The following FMN1 variants were observed in gnomAD, a reference collection of about 807,000 sequenced individuals.
FMN1 encodes formin-1.
A neutral mutation model predicts 132.4 loss-of-function variants in FMN1; 110 were observed. That is an observed-to-expected ratio of 0.83 (90% CI 0.71 to 0.97). The LOEUF (loss-of-function observed/expected upper bound fraction) is 0.97. Among genes scored for constraint, FMN1 ranks in the 50% least tolerant of loss-of-function variants. The pLI is 0.00. For synonymous variants in FMN1, 722 were observed against 651.7 expected, an observed-to-expected ratio of 1.11 and a Z score of -1.64; for missense variants, 1,792 against 1,705.3, an observed-to-expected ratio of 1.05 and a Z score of -0.90.
intron 17 of FMN1, chr15:32,811,059 C>T (rs1192534783): frequency 8.8e-6 from 4 of 456,638 alleles, no homozygotes; most frequent in East Asian, 1.4e-4. Flanking sequence ...CCAGGAGAAA[C>T]AAATGCTTTA....
At chr15:32,868,370 T>C (rs2059440388) in intron 16 of FMN1, among the ~76,000 whole-genome samples, 1 of 152,180 alleles carries the variant, frequency 6.6e-6, no homozygotes. Flanking sequence ...TACTGAATAA[T>C]GTTGGGGACT....
intron 6 of FMN1, among the ~76,000 whole-genome samples, chr15:33,036,337 C>T (rs1337890022): frequency 1.3e-5 from 2 of 152,120 alleles, no homozygotes; most frequent in Non-Finnish European, 2.9e-5. Flanking sequence ...TTGATGAGTG[C>T]CTACTATATG....
chr15:33,107,635 C>T (rs750382659), intron 4 of FMN1, among the ~76,000 whole-genome samples: 10 of 152,100 alleles, frequency 6.6e-5, no homozygotes, highest in Non-Finnish European at 1.2e-4. Flanking sequence ...CTGATTTCTT[C>T]ACATCACTCA....
intron 7 of FMN1, among the ~76,000 whole-genome samples, chr15:32,987,048 G>A (rs2033113290): frequency 6.6e-6 from 1 of 152,084 alleles, no homozygotes; most frequent in African/African-American, 2.4e-5. Flanking sequence ...GAGGGTTATA[G>A]ATGGCTACAT....
chr15:32,982,491 A>G (rs546694802), intron 7 of FMN1, among the ~76,000 whole-genome samples: 1 of 152,322 alleles, frequency 6.6e-6, no homozygotes, highest in African/African-American at 2.4e-5. Flanking sequence ...TTTATCAATA[A>G]TAGCCTGTGA....
At chr15:32,843,449 A>G (rs1347368056) in intron 17 of FMN1, among the ~76,000 whole-genome samples, 2 of 152,234 alleles carry the variant, frequency 1.3e-5, no homozygotes, top group Non-Finnish European at 1.5e-5. Context: ...ACGCACATAT[A>G]TTATGTTAGC....
chr15:33,072,843 A>C (rs928065235), intron 5 of FMN1, among the ~76,000 whole-genome samples: 3 of 151,856 alleles, frequency 2.0e-5, no homozygotes, highest in African/African-American at 7.3e-5. Context: ...GAATCACTTG[A>C]ACCCATGAGG....
chr15:32,803,773 G>A (rs774006223), intron 18 of FMN1, among the ~76,000 whole-genome samples: 15 of 152,126 alleles, frequency 9.9e-5, no homozygotes, highest in African/African-American at 1.9e-4. Flanking sequence ...TCCATCAAGC[G>A]GTTCAGGAGC....
chr15:33,187,020 CAG>C (rs1965911672), intron 2 of FMN1, among the ~76,000 whole-genome samples: 1 of 152,166 alleles, frequency 6.6e-6, no homozygotes, highest in Non-Finnish European at 1.5e-5. Flanking sequence ...TGCCCAGGAA[CAG>C]AGTCATGTCT....
chr15:32,840,544 G>A (rs2058724092), intron 17 of FMN1, among the ~76,000 whole-genome samples: 1 of 152,200 alleles, frequency 6.6e-6, no homozygotes, highest in Non-Finnish European at 1.5e-5. Context: ...AAACAGAGTA[G>A]CTGTGTGAAA....
chr15:33,012,799 A>AGT, intron 6 of FMN1: 1 of 681,250 alleles, frequency 1.5e-6, no homozygotes. Context: ...TGGTGGCTTT[A>AGT]GTGGCAGCTG....
intron 6 of FMN1, among the ~76,000 whole-genome samples, chr15:33,017,121 G>A (rs367813561): frequency 6.8e-6 from 1 of 147,484 alleles, no homozygotes; most frequent in Non-Finnish European, 1.5e-5. Flanking sequence ...CCGTACCCTA[G>A]AACTTAAAGC....
intron 3 of FMN1, among the ~76,000 whole-genome samples, chr15:33,158,984 GC>G (rs1249660694): frequency 1.3e-5 from 2 of 152,198 alleles, no homozygotes; most frequent in African/African-American, 4.8e-5. Flanking sequence ...TTCAAGACCA[GC>G]CTGACCAACA....
chr15:32,936,617 G>C (rs1250010203), intron 9 of FMN1, among the ~76,000 whole-genome samples: 2 of 151,568 alleles, frequency 1.3e-5, no homozygotes, highest in African/African-American at 4.9e-5. Context: ...CAGAGTCAAA[G>C]AAGGAAAAGG....
intron 6 of FMN1, among the ~76,000 whole-genome samples, chr15:33,016,140 A>G (rs1486619317): frequency 6.6e-6 from 1 of 152,244 alleles, no homozygotes; most frequent in East Asian, 1.9e-4. Flanking sequence ...AAATAATAGT[A>G]AAAATAGTAT....
chr15:32,974,832 T>A (rs1377811109), intron 7 of FMN1, among the ~76,000 whole-genome samples: 1 of 152,238 alleles, frequency 6.6e-6, no homozygotes, highest in East Asian at 1.9e-4. Flanking sequence ...AGTAATGTGT[T>A]ATTTGGTAAA....
At position 33,121,232 on chromosome 15, in the gene FMN1, C is replaced by T. The variant is rs576787308; in HGVS notation, c.1867+31816G>A. Among the ~76,000 whole-genome samples the T allele has an allele frequency of 9.9e-5, 15 of 152,270 alleles. 1 individual carries two copies. In the South Asian group the frequency reaches 2.9e-3, roughly 29 times the overall value. On this transcript the variant is annotated intron_variant, in intron 4 of 20. Transcript: ENST00000616417. Reference sequence around the variant, plus strand: ...GAGCAGTGGGTCCTGTGTCTTGAAACAAAAAGTATTCTGCAAATAAAACTT... The same window carrying T: ...GAGCAGTGGGTCCTGTGTCTTGAAATAAAAAGTATTCTGCAAATAAAACTT...
intron 5 of FMN1, among the ~76,000 whole-genome samples, chr15:33,072,429 A>C (rs572804755): frequency 7.9e-5 from 12 of 152,304 alleles, no homozygotes; most frequent in African/African-American, 2.6e-4. Flanking sequence ...CAAAGGATAC[A>C]TGAGAAATAG....
Position 32,796,692 on chromosome 15 carries a change from T to C in FMN1, c.4130+2112A>G, listed in dbSNP as rs775159485. On this transcript the variant is annotated intron_variant, in intron 19 of 20. Transcript: ENST00000616417. ...CTAACAGGAAAGAAGCTAAAATCTT[T>C]AGCAGACAGAGAACACTTTAACAAA... is the stretch of plus-strand genomic sequence containing the variant. Among the ~76,000 whole-genome samples the C allele has an allele frequency of 1.1e-4, 16 of 152,346 alleles. No individual in the cohort carries two copies. In the Middle Eastern group the frequency reaches 0.01, roughly 97 times the overall value.
Sources: gnomAD v4.1 joint callset for allele counts (sites outside exome capture counted in the v4.1 genomes callset) on GRCh38, gnomAD v4.1.1 for gene constraint, MANE v1.5 for transcripts, NCBI Gene and HGNC (gene_info 2026-07-23, HGNC 2026-07-21) for gene names.